Variants in NLGN1 observed in about 807,000 individuals in gnomAD.
NLGN1 encodes the protein neuroligin 1, also known as neuroligin-1.
Under a neutral mutation model 65.5 loss-of-function variants are expected in NLGN1, and 12 were observed. That is an observed-to-expected ratio of 0.18 (90% confidence interval 0.12 to 0.30). NLGN1 has a LOEUF of 0.30. NLGN1 is among the 10% of genes least tolerant of loss of function. NLGN1 has a pLI of 1.00. For missense variants in NLGN1, 750 were observed against 1,007.1 expected (o/e 0.74, Z 3.46); for synonymous variants, 350 against 359.5 (o/e 0.97, Z 0.30).
chr3:173,923,576 AAT>A (rs1258638960), intron 4 of NLGN1, among the ~76,000 whole-genome samples: 2 of 152,146 alleles, frequency 1.3e-5, no homozygotes, highest in African/African-American at 2.4e-5. Context: ...AAGACAAAGA[AAT>A]TTTGAGAAAA....
At chr3:173,510,531 A>G (rs922610862) in intron 2 of NLGN1, among the ~76,000 whole-genome samples, 6 of 152,220 alleles carry the variant, frequency 3.9e-5, no homozygotes, top group Non-Finnish European at 7.3e-5. Flanking sequence ...ATTGTTTAAC[A>G]TGCCTAAAAA....
chr3:174,241,363 T>C (rs1003740977), intron 4 of NLGN1, among the ~76,000 whole-genome samples: 15 of 152,146 alleles, frequency 9.9e-5, no homozygotes, highest in African/African-American at 3.6e-4. Flanking sequence ...AAATATATAC[T>C]TGATTAAAAT....
At chr3:174,094,748 A>C in intron 4 of NLGN1, among the ~76,000 whole-genome samples, 1 of 104,514 alleles carries the variant, frequency 9.6e-6, no homozygotes, top group Non-Finnish European at 1.9e-5. Flanking sequence ...GGCTCCGCTA[A>C]AAAAAAAAAA....
At chr3:174,167,609 T>TA (rs1727753602) in intron 4 of NLGN1, among the ~76,000 whole-genome samples, 1 of 147,110 alleles carries the variant, frequency 6.8e-6, no homozygotes, top group Admixed American at 6.7e-5. Flanking sequence ...TTTTTTTTTT[T>TA]AACCTAGTTG....
intron 3 of NLGN1, among the ~76,000 whole-genome samples, chr3:173,728,889 A>C (rs1772308627): frequency 6.6e-6 from 1 of 152,138 alleles, no homozygotes; most frequent in African/African-American, 2.4e-5. Flanking sequence ...TGAGAGGATA[A>C]ATTTCTCTCA....
intron 4 of NLGN1, among the ~76,000 whole-genome samples, chr3:174,265,606 T>C (rs1473902389): frequency 2.0e-5 from 3 of 151,830 alleles, no homozygotes; most frequent in Admixed American, 1.3e-4. Context: ...ATGAACCCGG[T>C]ACCTCAGATG....
At chr3:174,219,846 A>G (rs1227703116) in intron 4 of NLGN1, among the ~76,000 whole-genome samples, 2 of 152,178 alleles carry the variant, frequency 1.3e-5, no homozygotes, top group Non-Finnish European at 2.9e-5. Context: ...TAGGAAACAG[A>G]AGCAAGATAC....
intron 4 of NLGN1, among the ~76,000 whole-genome samples, chr3:174,260,762 G>T (rs1260113353): frequency 6.6e-6 from 1 of 150,780 alleles, no homozygotes; most frequent in Non-Finnish European, 1.5e-5. Flanking sequence ...CCTTGCCCAT[G>T]CTTATGTCCT....
In NLGN1 at chr3:173,761,861, A is replaced by T. The variant is rs1299003780; in HGVS notation, c.494-45819A>T. On this transcript the variant is annotated intron_variant, in intron 3 of 6. Transcript: ENST00000457714. ...GGAAAAATCAGTGAATATCAAGGCA[A>T]ATCTAATAAAATGGAGCTAAGGATC... Among the ~76,000 whole-genome samples the T allele has an allele frequency of 3.3e-5, 5 of 152,228 alleles. No homozygotes were observed. In the East Asian group the frequency reaches 7.7e-4, roughly 24 times the overall value.
downstream of NLGN1, among the ~76,000 whole-genome samples, chr3:174,286,795 G>T (rs550699272): frequency 6.6e-6 from 1 of 151,562 alleles, no homozygotes; most frequent in Middle Eastern, 3.4e-3. Context: ...GACATTTTAT[G>T]ATCTTTTCAC....
chr3:173,512,764 G>A (rs1005592584), intron 2 of NLGN1, among the ~76,000 whole-genome samples: 1 of 152,108 alleles, frequency 6.6e-6, no homozygotes, highest in African/African-American at 2.4e-5. Context: ...CTCTGCACCT[G>A]TCACTGTCAG....
upstream of NLGN1, among the ~76,000 whole-genome samples, chr3:173,397,349 G>C (rs1352939254): frequency 6.6e-6 from 1 of 152,070 alleles, no homozygotes; most frequent in East Asian, 1.9e-4. Flanking sequence ...ATGGCCAGTC[G>C]CTTGTTTAAC....
chr3:173,682,364 T>A (rs983282084), intron 3 of NLGN1, among the ~76,000 whole-genome samples: 5 of 151,678 alleles, frequency 3.3e-5, no homozygotes, highest in Admixed American at 6.6e-5. Flanking sequence ...CTGAAGAGGG[T>A]GGATCACGAG....
intron 4 of NLGN1, among the ~76,000 whole-genome samples, chr3:174,226,100 G>A (rs924232246): frequency 6.6e-6 from 1 of 152,020 alleles, no homozygotes; most frequent in Non-Finnish European, 1.5e-5. Context: ...TTATGCCTCA[G>A]ATCATCAAAA....
At chr3:174,072,157 T>C (rs1740029259) in intron 4 of NLGN1, among the ~76,000 whole-genome samples, 1 of 152,212 alleles carries the variant, frequency 6.6e-6, no homozygotes, top group Non-Finnish European at 1.5e-5. Flanking sequence ...TTTCACGTTA[T>C]TGTATTTATC....
intron 2 of NLGN1, among the ~76,000 whole-genome samples, chr3:173,495,316 A>G (rs1008195004): frequency 6.6e-6 from 1 of 151,720 alleles, no homozygotes; most frequent in Non-Finnish European, 1.5e-5. Flanking sequence ...AATATATACA[A>G]TTTTTATACA....
chr3:174,258,082 A>G (rs1333785559), intron 4 of NLGN1, among the ~76,000 whole-genome samples: 4 of 152,160 alleles, frequency 2.6e-5, no homozygotes, highest in East Asian at 3.9e-4. Flanking sequence ...AGGAAAGCCA[A>G]AGTCCCCTAA....
intron 4 of NLGN1, among the ~76,000 whole-genome samples, chr3:174,054,549 T>G (rs1383481119): frequency 1.3e-5 from 2 of 151,966 alleles, no homozygotes; most frequent in Admixed American, 6.6e-5. Context: ...GCTTTAGGGG[T>G]TCTGAACTGG....
chr3:174,187,809 C>T (rs1255612589), intron 4 of NLGN1, among the ~76,000 whole-genome samples: 3 of 151,868 alleles, frequency 2.0e-5, no homozygotes, highest in Admixed American at 1.3e-4. Context: ...GGGGGAATCA[C>T]GCCACCTTTA....
Sources: gnomAD v4.1 joint callset for allele counts (sites outside exome capture counted in the v4.1 genomes callset) on GRCh38, gnomAD v4.1.1 for gene constraint, MANE v1.5 for transcripts, NCBI Gene and HGNC (gene_info 2026-07-23, HGNC 2026-07-21) for gene names.